UST: variants seen among roughly 807,000 people sequenced by gnomAD.
UST encodes uronyl 2-sulfotransferase, also known as chondroitin sulfate 2-O-sulfotransferase.
Under a neutral mutation model 45.6 loss-of-function variants are expected in UST, and 21 were observed. That is an observed-to-expected ratio of 0.46 (90% confidence interval 0.33 to 0.66). The LOEUF (loss-of-function observed/expected upper bound fraction) is 0.66, where lower values mean the gene tolerates loss of function less well. UST is among the 30% of genes least tolerant of loss of function. The pLI, the probability that UST is intolerant of heterozygous loss-of-function variation, is 0.02. For synonymous variants in UST, 215 were observed against 200.6 expected (o/e 1.07, Z -0.61); for missense variants, 463 against 512.4 (o/e 0.90, Z 0.93).
intron 1 of UST, among the ~76,000 whole-genome samples, chr6:148,878,792 T>C (rs1778771341): frequency 6.6e-6 from 1 of 151,358 alleles, no homozygotes; most frequent in African/African-American, 2.4e-5. Context: ...GGGGATCAGG[T>C]ATGAGTGTGG....
chr6:149,043,678 C>T (rs1409260424), intron 7 of UST, among the ~76,000 whole-genome samples: 1 of 152,244 alleles, frequency 6.6e-6, no homozygotes. Context: ...GAGAACTGGC[C>T]CGAGGCCCTG....
At chr6:148,775,639 T>TGGC (rs1562564076) in intron 1 of UST, among the ~76,000 whole-genome samples, 6 of 150,804 alleles carry the variant, frequency 4.0e-5, no homozygotes, top group African/African-American at 9.8e-5. Flanking sequence ...TTTTTTTTTT[T>TGGC]GGGGCGGGGA....
intron 3 of UST, among the ~76,000 whole-genome samples, chr6:148,941,645 T>A (rs1582911398): frequency 6.6e-6 from 1 of 152,178 alleles, no homozygotes; most frequent in Non-Finnish European, 1.5e-5. Context: ...AAGGGATACT[T>A]CCATTAGGAC....
chr6:148,948,103 T>G (rs1780286368), intron 3 of UST, among the ~76,000 whole-genome samples: 1 of 152,210 alleles, frequency 6.6e-6, no homozygotes, highest in African/African-American at 2.4e-5. Context: ...TGTGTTGCGC[T>G]GACTGCTTCC....
At chr6:148,891,728 T>A (rs752420244) in intron 2 of UST, among the ~76,000 whole-genome samples, 1 of 152,246 alleles carries the variant, frequency 6.6e-6, no homozygotes, top group East Asian at 1.9e-4. Flanking sequence ...ATAAGCAATC[T>A]GGTACATTGA....
At chr6:148,909,410 G>A (rs1206186101) in intron 2 of UST, among the ~76,000 whole-genome samples, 1 of 152,116 alleles carries the variant, frequency 6.6e-6, no homozygotes, top group Non-Finnish European at 1.5e-5. Context: ...TCCTTTTAAT[G>A]GTGGTAATGG....
intron 2 of UST, among the ~76,000 whole-genome samples, chr6:148,930,651 C>T (rs1003711100): frequency 1.3e-5 from 2 of 152,152 alleles, no homozygotes; most frequent in Admixed American, 1.3e-4. Context: ...GTTTGTATTG[C>T]ACTTACTAAT....
At chr6:148,925,637 T>C (rs1274142282) in intron 2 of UST, among the ~76,000 whole-genome samples, 1 of 152,232 alleles carries the variant, frequency 6.6e-6, no homozygotes, top group East Asian at 1.9e-4. Flanking sequence ...AAAGGAATTG[T>C]GTATAAATTC....
chr6:149,073,004 A>G (rs1776840710), intron 7 of UST, among the ~76,000 whole-genome samples: 1 of 152,254 alleles, frequency 6.6e-6, no homozygotes, highest in Non-Finnish European at 1.5e-5. Flanking sequence ...AAAAATAGTT[A>G]AAATTGTACA....
intron 7 of UST, among the ~76,000 whole-genome samples, chr6:149,044,049 T>C (rs1398841083): frequency 6.6e-6 from 1 of 152,212 alleles, no homozygotes; most frequent in Non-Finnish European, 1.5e-5. Flanking sequence ...ATTGTTAAAA[T>C]AGAGTTTCAC....
chr6:149,049,830 T>C (rs944332419), intron 7 of UST, among the ~76,000 whole-genome samples: 9 of 152,086 alleles, frequency 5.9e-5, no homozygotes, highest in African/African-American at 2.2e-4. Flanking sequence ...ATATCTAACC[T>C]CTTTTTGGCA....
chr6:148,843,576 T>C (rs1777927048), intron 1 of UST, among the ~76,000 whole-genome samples: 1 of 152,200 alleles, frequency 6.6e-6, no homozygotes, highest in Non-Finnish European at 1.5e-5. Flanking sequence ...GTAACTCTCT[T>C]CGGCATTTTG....
rs1436097693 is a variant in UST at position 148,875,696 on chromosome 6, C to T, written c.248-11290C>T. ...GCACGCATCTGTAGTCCCAGATACT[C>T]GGGAGGCCGAGGCAGGAGAATTGCT... On this transcript the variant is annotated intron_variant, in intron 1 of 7. Coordinates refer to ENST00000367463, the MANE Select transcript of UST (RefSeq NM_005715.3). 3.3e-5 allele frequency among the ~76,000 whole-genome samples: 5 copies of T among 152,286 alleles called. No individual in the cohort carries two copies. The East Asian group carries it at 9.6e-4, about 29-fold the overall frequency.
At chr6:149,014,361 T>C (rs567646517) in intron 5 of UST, among the ~76,000 whole-genome samples, 116 of 152,332 alleles carry the variant, frequency 7.6e-4, no homozygotes, top group African/African-American at 2.6e-3. Context: ...TTCTGGCCAC[T>C]CCCAATGTTG....
At chr6:148,971,113 G>C (rs1052187042) in intron 5 of UST, among the ~76,000 whole-genome samples, 1 of 152,150 alleles carries the variant, frequency 6.6e-6, no homozygotes, top group African/African-American at 2.4e-5. Context: ...CAGGCATTCT[G>C]ACACTTGGCT....
chr6:148,764,412 G>A (rs543816178), intron 1 of UST, among the ~76,000 whole-genome samples: 7 of 152,172 alleles, frequency 4.6e-5, no homozygotes, highest in African/African-American at 1.7e-4. Flanking sequence ...GGTTTTCTAG[G>A]TATAAGATCA....
chr6:148,924,008 T>C (rs1035206710), intron 2 of UST, among the ~76,000 whole-genome samples: 4 of 152,164 alleles, frequency 2.6e-5, no homozygotes, highest in Non-Finnish European at 5.9e-5. Context: ...TTCAATGAAA[T>C]GAGCTTTATA....
At chr6:148,854,716 T>A (rs1353372697) in intron 1 of UST, among the ~76,000 whole-genome samples, 1 of 152,128 alleles carries the variant, frequency 6.6e-6, no homozygotes, top group Non-Finnish European at 1.5e-5. Flanking sequence ...TGAATTGAAG[T>A]TCACATATGG....
intron 7 of UST, among the ~76,000 whole-genome samples, chr6:149,047,174 C>T (rs12153925): frequency 0.32 from 48,007 of 152,028 alleles, 7,993 homozygotes; most frequent in Non-Finnish European, 0.36. Flanking sequence ...TATATACACA[C>T]CCCATTTCAG....
Sources: allele counts gnomAD v4.1 joint callset (sites outside exome capture counted in the v4.1 genomes callset), GRCh38; gene constraint gnomAD v4.1.1; transcripts MANE v1.5; gene names NCBI Gene and HGNC (gene_info 2026-07-23, HGNC 2026-07-21).